Variants in CACNA1G observed in about 807,000 individuals in gnomAD.
CACNA1G encodes the protein voltage-dependent T-type calcium channel subunit alpha-1G.
In CACNA1G, 67 loss-of-function variants were observed where a neutral mutation model predicts 219.4. That is an observed-to-expected ratio of 0.31 (90% CI 0.25 to 0.37). CACNA1G has a LOEUF of 0.37. Ranked by LOEUF, CACNA1G falls within the 10% of genes least tolerant of loss-of-function variation. The pLI, the probability that CACNA1G is intolerant of heterozygous loss-of-function variation, is 1.00. For missense variants in CACNA1G, 2,380 were observed against 3,231.4 expected (o/e 0.74, Z 6.39); for synonymous variants, 1,296 against 1,345.3 (o/e 0.96, Z 0.80).
chr17:50,584,195 G>A (rs575127334), intron 9 of CACNA1G, among the ~76,000 whole-genome samples: 1 of 152,168 alleles, frequency 6.6e-6, no homozygotes, highest in Non-Finnish European at 1.5e-5. Flanking sequence ...TGGATCTCTG[G>A]ATGAGAAGCC....
chr17:50,605,162 T>C (rs943043550), intron 22 of CACNA1G, among the ~76,000 whole-genome samples: 1 of 152,150 alleles, frequency 6.6e-6, no homozygotes, highest in Non-Finnish European at 1.5e-5. Flanking sequence ...GAGTGAAGCA[T>C]TGTTGAGCCC....
intron 17 of CACNA1G, 104 bp downstream of exon 17, chr17:50,599,963 G>A (rs1477550850): frequency 5.3e-6 from 6 of 1,126,680 alleles, no homozygotes; most frequent in Non-Finnish European, 7.4e-6. Flanking sequence ...CAAGCCCACG[G>A]AATATCAAGG....
In CACNA1G at chr17:50,577,159, G is replaced by A. The variant is rs545099720; in HGVS notation, c.1924+833G>A. ...GCCAGCTCCTCCACTACCCTGCCAC[G>A]GGACGTGGGCCAGTCACATGCACCC... On this transcript the variant is annotated intron_variant, in intron 8 of 37. Coordinates refer to ENST00000359106, the MANE Select transcript of CACNA1G (RefSeq NM_018896.5). Among the ~76,000 whole-genome samples, 16 of 152,260 alleles carry A rather than the reference G, an allele frequency of 1.1e-4. No homozygotes were observed. In the East Asian group the frequency reaches 1.4e-3, roughly 13 times the overall value.
intron 9 of CACNA1G, 149 bp from the exon 10 acceptor site, chr17:50,590,322 G>A (rs2044019792): frequency 2.4e-6 from 2 of 850,534 alleles, no homozygotes; most frequent in Admixed American, 2.6e-5. Flanking sequence ...TTTGGGGCAG[G>A]GTCCTCCCCA....
chr17:50,577,147 C>T (rs934543090), intron 8 of CACNA1G, among the ~76,000 whole-genome samples: 1 of 152,190 alleles, frequency 6.6e-6, no homozygotes, highest in Non-Finnish European at 1.5e-5. Context: ...AGCTCCTCCA[C>T]TACCCTGCCA....
Position 50,619,723 on chromosome 17 carries a change from G to A in CACNA1G, c.5822G>A (p.Gly1941Asp). The change falls in exon 34 of 38, where the codon GGC becomes GAC. Residue 1941 changes from glycine (G) to aspartate (D), a missense_variant. Transcript: ENST00000359106. ...GACACCATATCCCTGCTGATCCAGG[G>A]CTCCCTGGAGTGGGAGCTGAAGCTG... ...LFDTISLLIQ[G>D]SLEWELKLMD... 1.2e-6 allele frequency: 2 copies of A among 1,610,546 alleles called. No homozygotes were observed. The highest frequency in any genetic ancestry group is 8.5e-7 in the Non-Finnish European group (1 of 1,179,390).
chr17:50,624,110 CAG>C, intron 36 of CACNA1G, 35 bp downstream of exon 36: 1 of 1,596,396 alleles, frequency 6.3e-7, no homozygotes, highest in East Asian at 2.2e-5. Context: ...TTGGCTCACA[CAG>C]GGAGATTCCA....
At chr17:50,606,172 T>A in intron 23 of CACNA1G, 149 bp downstream of exon 23, 1 of 1,145,296 alleles carries the variant, frequency 8.7e-7, no homozygotes, top group Non-Finnish European at 1.3e-6. Flanking sequence ...CACCAGCATG[T>A]CGCAAAGCCC....
intron 9 of CACNA1G, among the ~76,000 whole-genome samples, chr17:50,580,056 C>T (rs1297320811): frequency 2.6e-5 from 4 of 152,136 alleles, no homozygotes; most frequent in Admixed American, 6.5e-5. Flanking sequence ...CACACATTGG[C>T]GTCCCTTCCT....
Position 50,569,159 on chromosome 17 carries a change from C to T in CACNA1G, c.355-6C>T, listed in dbSNP as rs762832211. 2.5e-6 allele frequency: 4 copies of T among 1,613,380 alleles called. No individual in the cohort carries two copies. The East Asian group carries it at 8.9e-5, about 36-fold the overall frequency. On this transcript the variant is annotated splice_polypyrimidine_tract_variant and splice_region_variant and intron_variant, in intron 2 of 37. Coordinates refer to ENST00000359106, the MANE Select transcript of CACNA1G (RefSeq NM_018896.5). Reference sequence around the variant, plus strand: ...CAGTTTCAGCCACCTCTTGTCCCCACATCAGGCCTTTGATGACTTCATCTT... The same window carrying T: ...CAGTTTCAGCCACCTCTTGTCCCCATATCAGGCCTTTGATGACTTCATCTT...
Position 50,601,035 on chromosome 17 carries a change from C to T in CACNA1G, c.3792-16C>T. On this transcript the variant is annotated splice_polypyrimidine_tract_variant and intron_variant, in intron 18 of 37. Coordinates refer to ENST00000359106, the MANE Select transcript of CACNA1G (RefSeq NM_018896.5). ...CCTGCCTCCCCCTCTCAGCCGTTGC[C>T]TCCATGCCTGGGCAGGTTCCGCCTC... is the stretch of plus-strand genomic sequence containing the variant. The T allele has an allele frequency of 1.2e-6, 2 of 1,613,064 alleles. No individual in the cohort carries two copies. Among genetic ancestry groups the T allele is most frequent in the Non-Finnish European group, 1.7e-6 (2 of 1,179,406 alleles).
Position 50,621,828 on chromosome 17 carries a change from C to A in CACNA1G, c.6060+34C>A, listed in dbSNP as rs748986353. On this transcript the variant is annotated intron_variant, in intron 35 of 37. Transcript: ENST00000359106. This position sits in a 1 kb window ranked among gnomAD's most constrained non-coding sequence, Gnocchi z 4.6. ...ACACTGCCCTCACTGCTCCCGGCCA[C>A]CCCCGGGGCTGGACTGGCTGCAGGG... The A allele has an allele frequency of 2.5e-6, 4 of 1,609,802 alleles. No individual in the cohort carries two copies. The highest frequency in any genetic ancestry group is 1.3e-5 in the African/African-American group (1 of 74,842).
chr17:50,579,806 TGAAAGGG>T (rs1220580643), intron 9 of CACNA1G, among the ~76,000 whole-genome samples: 2 of 151,730 alleles, frequency 1.3e-5, no homozygotes, highest in Admixed American at 1.3e-4. Flanking sequence ...CAGCACCCTG[TGAAAGGG>T]GCATCTCAAA....
chr17:50,614,716 G>A (rs2050055594), intron 26 of CACNA1G, among the ~76,000 whole-genome samples: 1 of 152,212 alleles, frequency 6.6e-6, no homozygotes, highest in African/African-American at 2.4e-5. Flanking sequence ...AACAGGTGGG[G>A]CCCTCCCAGC....
At position 50,626,355 on chromosome 17, in the gene CACNA1G, C is replaced by T. The variant is rs762981472; in HGVS notation, c.6738C>T (p.Cys2246=). 6.2e-7 allele frequency: 1 copy of T among 1,612,910 alleles called. No individual in the cohort carries two copies. The highest frequency in any genetic ancestry group is 1.1e-5 in the South Asian group (1 of 91,076). Residue 2246 remains cysteine (C), a synonymous_variant, in exon 38 of 38, where the codon TGC becomes TGT. Transcript: ENST00000359106. This position sits in a 1 kb window ranked among gnomAD's most constrained non-coding sequence, Gnocchi z 4.3. ...EPPSPRDLKK[C]YSVEAQSCQR... ...CATCCCCACGGGACCTGAAGAAGTG[C>T]TACAGCGTGGAGGCCCAGAGCTGCC...
In CACNA1G at chr17:50,571,984, G is replaced by A. The variant is rs1396314405; in HGVS notation, c.693G>A (p.Gln231=). 1.9e-6 allele frequency: 3 copies of A among 1,613,974 alleles called. No individual in the cohort carries two copies. The highest frequency in any genetic ancestry group is 2.5e-6 in the Non-Finnish European group (3 of 1,179,848). ...TCATCTTCGGCATCGTCGGCGTCCA[G>A]CTGTGGGCAGGGCTGCTTCGGAACC... The part of the protein sequence containing the change: ...VFFIFGIVGV[Q]LWAGLLRNRC... The change falls in exon 5 of 38, where the codon CAG becomes CAA. Residue 231 remains glutamine (Q), a synonymous_variant. Transcript: ENST00000359106. The surrounding 1 kb of genome is among the most constrained non-coding windows in gnomAD (Gnocchi z 4.3).
chr17:50,569,416 G>C, intron 3 of CACNA1G, 118 bp downstream of exon 3: 4 of 1,111,568 alleles, frequency 3.6e-6, no homozygotes, highest in Non-Finnish European at 5.3e-6. Context: ...CTTTCTCCCT[G>C]GCTATCTCCT....
rs199814348 is a variant in CACNA1G, at chr17:50,627,348, GAAAAAA to G, written c.*602_*607del. 3 of 315,596 alleles carry G rather than the reference GAAAAAA, an allele frequency of 9.5e-6. No homozygotes were observed. The highest frequency in any genetic ancestry group is 7.1e-5 in the African/African-American group (3 of 42,228). 19.5% of individuals were successfully genotyped at this position (315,596 alleles called of 1,614,324 possible). A position where few individuals can be genotyped will look rare whatever the true frequency, so the allele number is the denominator to read the frequency against. ...TAACCTCGTCATCATTTTCTGTAGG[GAAAAAA>G]AAAAGAAAAAGAAAAAATGAGATTT... On this transcript the variant is annotated 3_prime_UTR_variant, in exon 38 of 38. Coordinates refer to ENST00000359106, the MANE Select transcript of CACNA1G (RefSeq NM_018896.5).
rs546942890 is a variant in CACNA1G, at chr17:50,579,949, C to G, written c.2301+1385C>G. Among the ~76,000 whole-genome samples, 32 of 152,224 alleles carry G rather than the reference C, an allele frequency of 2.1e-4. No homozygotes were observed. The East Asian group carries it at 6.0e-3, about 28-fold the overall frequency. ...CTTTTCCGGGGGATTCGAAGCCCGCCCCCACACCACTGACCTCTGCACCTG... is the reference window on the plus strand; with the variant it reads ...CTTTTCCGGGGGATTCGAAGCCCGCGCCCACACCACTGACCTCTGCACCTG... On this transcript the variant is annotated intron_variant, in intron 9 of 37. Transcript: ENST00000359106.
Sources: allele counts gnomAD v4.1 joint callset (sites outside exome capture counted in the v4.1 genomes callset), GRCh38; gene constraint gnomAD v4.1.1; non-coding constraint Gnocchi (gnomAD v3.1); transcripts MANE v1.5; gene names NCBI Gene and HGNC (gene_info 2026-07-23, HGNC 2026-07-21).